Variants in MRRF observed in about 807,000 individuals in gnomAD.
MRRF encodes ribosome-recycling factor, mitochondrial.
MRRF carries 18 observed loss-of-function variants against 25.1 expected under a neutral mutation model. The observed-to-expected ratio is 0.72, with a 90% CI of 0.50 to 1.06. MRRF has a LOEUF of 1.06. Among genes scored for constraint, MRRF ranks in the 50% least tolerant of loss-of-function variants. The pLI is 0.00. For missense variants in MRRF, 323 were observed against 319.3 expected (o/e 1.01, Z -0.09); for synonymous variants, 113 against 112.1 (o/e 1.01, Z -0.05).
At chr9:122,289,755 G>A (rs1833638771) in intron 4 of MRRF, among the ~76,000 whole-genome samples, 1 of 151,890 alleles carries the variant, frequency 6.6e-6, no homozygotes. Context: ...GCAAGGCGTG[G>A]TGGCTCATGC....
intron 2 of MRRF, among the ~76,000 whole-genome samples, chr9:122,273,718 A>T (rs1406477848): frequency 6.6e-6 from 1 of 152,168 alleles, no homozygotes; most frequent in South Asian, 2.1e-4. Flanking sequence ...TTACTGTCTC[A>T]CTGTAAGGAT....
rs559500221 is a variant in MRRF, at chr9:122,276,284, C to T, written c.185-4159C>T. On this transcript the variant is annotated intron_variant, in intron 2 of 6. Transcript: ENST00000344641. ...TGTCTAAATACAACTTTAAATGCTT[C>T]CTATAAGGTTGTTTATTTATTTTAG... Among the ~76,000 whole-genome samples the T allele has an allele frequency of 3.4e-3, 516 of 151,996 alleles. 2 individuals are homozygous for T. Among genetic ancestry groups the T allele is most frequent in the Middle Eastern group, 6.8e-3 (2 of 292 alleles).
At chr9:122,315,208 G>A in intron 6 of MRRF, among the ~76,000 whole-genome samples, 1 of 152,028 alleles carries the variant, frequency 6.6e-6, no homozygotes. Flanking sequence ...CTTGAGATGG[G>A]GTCTCACTAT....
At position 122,310,802 on chromosome 9, in the gene MRRF, A is replaced by G. The variant is rs117023532; in HGVS notation, c.552-2425A>G. Among the ~76,000 whole-genome samples the G allele has an allele frequency of 7.4e-4, 112 of 152,332 alleles. 3 individuals carry two copies. In the East Asian group the frequency reaches 0.015, roughly 21 times the overall value. On this transcript the variant is annotated intron_variant, in intron 5 of 6. Coordinates refer to ENST00000344641, the MANE Select transcript of MRRF (RefSeq NM_138777.5). ...TAACCAGCTGAGTTCAGAAGCCTGGAATACAAACTCTAGTGCATACTCACA... is the reference window on the plus strand; with the variant it reads ...TAACCAGCTGAGTTCAGAAGCCTGGGATACAAACTCTAGTGCATACTCACA...
At chr9:122,306,680 G>T (rs143211235) in intron 5 of MRRF, among the ~76,000 whole-genome samples, 8 of 152,102 alleles carry the variant, frequency 5.3e-5, no homozygotes, top group Admixed American at 4.6e-4. Flanking sequence ...GTGCTTTTTC[G>T]CATGTATGAT....
intron 6 of MRRF, 99 bp downstream of exon 6, chr9:122,313,485 C>A: frequency 7.8e-7 from 1 of 1,288,546 alleles, no homozygotes; most frequent in Non-Finnish European, 1.1e-6. Context: ...TACCTCTGAT[C>A]TTTCATTCAC....
At chr9:122,315,415 C>G (rs1462172220) in intron 6 of MRRF, among the ~76,000 whole-genome samples, 1 of 152,194 alleles carries the variant, frequency 6.6e-6, no homozygotes, top group Admixed American at 6.5e-5. Flanking sequence ...TTGTTCTGCA[C>G]TTGATGTCCT....
chr9:122,281,155 A>G lies in MRRF; in HGVS notation c.340+557A>G, dbSNP rs549922241. 1.3e-5 allele frequency among the ~76,000 whole-genome samples: 2 copies of G among 152,332 alleles called. 1 individual carries two copies. Among genetic ancestry groups the G allele is most frequent in the African/African-American group, 4.8e-5 (2 of 41,582 alleles). On this transcript the variant is annotated intron_variant, in intron 3 of 6. Transcript: ENST00000344641. ...GACCAGGAAGATTCCGTTTGGGTTAATAACTTCCTGAAAGTGGCTTTTCTA... is the reference window on the plus strand; with the variant it reads ...GACCAGGAAGATTCCGTTTGGGTTAGTAACTTCCTGAAAGTGGCTTTTCTA...
At chr9:122,283,252 C>G (rs1199004604) in intron 3 of MRRF, among the ~76,000 whole-genome samples, 1 of 151,994 alleles carries the variant, frequency 6.6e-6, no homozygotes, top group Non-Finnish European at 1.5e-5. Context: ...CACCACCATG[C>G]CCAGCTAATT....
intron 4 of MRRF, among the ~76,000 whole-genome samples, chr9:122,290,916 A>G (rs897117117): frequency 2.0e-5 from 3 of 152,348 alleles, no homozygotes; most frequent in East Asian, 1.9e-4. Flanking sequence ...CATCAGCTAC[A>G]TGAAGACATC....
chr9:122,280,280 T>G (rs1403875569), intron 2 of MRRF, among the ~76,000 whole-genome samples, 163 bp from the exon 3 acceptor site: 1 of 152,236 alleles, frequency 6.6e-6, no homozygotes, highest in Non-Finnish European at 1.5e-5. Context: ...TTAGCACAGT[T>G]GACACTCAGT....
chr9:122,298,245 A>G (rs1343110947), intron 5 of MRRF, among the ~76,000 whole-genome samples: 1 of 152,180 alleles, frequency 6.6e-6, no homozygotes, highest in African/African-American at 2.4e-5. Flanking sequence ...TTTTAAGTTT[A>G]ATTATATAAT....
At chr9:122,274,076 C>T (rs1832628608) in intron 2 of MRRF, among the ~76,000 whole-genome samples, 1 of 152,146 alleles carries the variant, frequency 6.6e-6, no homozygotes, top group African/African-American at 2.4e-5. Context: ...CTCCTCTCCT[C>T]CCCTCACTGT....
At chr9:122,296,141 T>G (rs1354542814) in intron 5 of MRRF, among the ~76,000 whole-genome samples, 3 of 148,298 alleles carry the variant, frequency 2.0e-5, no homozygotes, top group South Asian at 2.1e-4. Context: ...TGTTTGCGAG[T>G]TTTTTTTTTA....
intron 4 of MRRF, among the ~76,000 whole-genome samples, chr9:122,289,815 C>A (rs1490036279): frequency 1.3e-5 from 2 of 151,716 alleles, no homozygotes; most frequent in South Asian, 2.1e-4. Flanking sequence ...ATCGCTTGAG[C>A]CCAGGAGTTT....
At chr9:122,308,776 C>G (rs1835026806) in intron 5 of MRRF, among the ~76,000 whole-genome samples, 1 of 151,422 alleles carries the variant, frequency 6.6e-6, no homozygotes, top group Non-Finnish European at 1.5e-5. Context: ...AATCATGGCT[C>G]ATTGCAGCCT....
intron 1 of MRRF, among the ~76,000 whole-genome samples, chr9:122,267,665 T>G (rs2078567212): frequency 6.6e-6 from 1 of 152,230 alleles, no homozygotes; most frequent in African/African-American, 2.4e-5. Context: ...AGAGCTAGAT[T>G]GACTGAATTC....
At chr9:122,304,611 T>A (rs1443873655) in intron 5 of MRRF, among the ~76,000 whole-genome samples, 2 of 152,180 alleles carry the variant, frequency 1.3e-5, no homozygotes, top group Non-Finnish European at 2.9e-5. Flanking sequence ...ATGCACCTAT[T>A]TATGGTACCT....
chr9:122,296,488 T>C (rs903069499), intron 5 of MRRF, among the ~76,000 whole-genome samples: 2 of 152,214 alleles, frequency 1.3e-5, no homozygotes, highest in Admixed American at 1.3e-4. Flanking sequence ...TATTTTAGGC[T>C]CATTTGACTG....
Sources: allele counts gnomAD v4.1 joint callset (sites outside exome capture counted in the v4.1 genomes callset), GRCh38; gene constraint gnomAD v4.1.1; transcripts MANE v1.5; gene names NCBI Gene and HGNC (gene_info 2026-07-23, HGNC 2026-07-21).